Variants in B4GALT7 observed in about 807,000 individuals in gnomAD.
B4GALT7 encodes the protein beta-1,4-galactosyltransferase 7, also known as UDP-Gal:beta-GlcNAc beta-1,4-galactosyltransferase 7.
In B4GALT7, 30 loss-of-function variants were observed where a neutral mutation model predicts 33.0. The observed-to-expected ratio is 0.91, with a 90% confidence interval of 0.68 to 1.23. The LOEUF is 1.23. Among genes scored for constraint, B4GALT7 ranks in the 50% most tolerant of loss-of-function variants. The probability of loss-of-function intolerance (pLI) is 0.00; values close to 1 mark genes in which losing one functional copy is unlikely to be tolerated. For synonymous variants in B4GALT7, 213 were observed against 187.2 expected, an observed-to-expected ratio of 1.14 and a Z score of -1.13; for missense variants, 507 against 450.8, an observed-to-expected ratio of 1.12 and a Z score of -1.13.
At position 177,600,682 on chromosome 5, in the gene B4GALT7, G is replaced by T. The variant is rs1298104297; in HGVS notation, c.50+422G>T. ...ACCATGGATTTGTGTTTCTCAATTT[G>T]TCTCTGATCCCTGAGGACGTGTATT... On this transcript the variant is annotated intron_variant, in intron 1 of 5. Coordinates refer to ENST00000029410, the MANE Select transcript of B4GALT7 (RefSeq NM_007255.3). The surrounding 1 kb of genome is among the most constrained non-coding windows in gnomAD (Gnocchi z 4.4). 6.6e-6 allele frequency among the ~76,000 whole-genome samples: 1 copy of T among 152,046 alleles called. No homozygotes were observed. The highest frequency in any genetic ancestry group is 1.5e-5 in the Non-Finnish European group (1 of 68,024).
chr5:177,605,579 A>AG (rs1767971131), intron 2 of B4GALT7, among the ~76,000 whole-genome samples: 1 of 152,160 alleles, frequency 6.6e-6, no homozygotes, highest in Non-Finnish European at 1.5e-5. Flanking sequence ...CTCTGTGCAC[A>AG]GGGACTCAAG....
Position 177,609,909 on chromosome 5 carries a change from C to G in B4GALT7, c.*214C>G, listed in dbSNP as rs2127514819. 4 of 630,386 alleles carry G rather than the reference C, an allele frequency of 6.3e-6. No homozygotes were observed. Among genetic ancestry groups the G allele is most frequent in the East Asian group, 5.6e-5 (2 of 35,830 alleles). 39.0% of individuals were successfully genotyped at this position (630,386 alleles called of 1,614,324 possible). On this transcript the variant is annotated 3_prime_UTR_variant, in exon 6 of 6. Coordinates refer to ENST00000029410, the MANE Select transcript of B4GALT7 (RefSeq NM_007255.3). ...GACGCTGCTTGCCATGCACAGTGAT[C>G]AGAGAGAGGCTGGGGTGTGTCCTGT... is the stretch of plus-strand genomic sequence containing the variant.
At chr5:177,602,502 C>T (rs1767872684) in intron 1 of B4GALT7, among the ~76,000 whole-genome samples, 1 of 152,000 alleles carries the variant, frequency 6.6e-6, no homozygotes, top group Non-Finnish European at 1.5e-5. Context: ...CGTGGGAATA[C>T]AAAAGTGGGA....
chr5:177,606,334 A>G lies in B4GALT7; in HGVS notation c.414-968A>G, dbSNP rs1175894327. ...TTGCTGGTGGCCTGCCCTGCCCCAA[A>G]CCTGTAGCTCTGTCCTCTTCTCCAT... On this transcript the variant is annotated intron_variant, in intron 2 of 5. Transcript: ENST00000029410. The surrounding 1 kb of genome is among the most constrained non-coding windows in gnomAD (Gnocchi z 4.2). The G allele has an allele frequency of 6.6e-6, 1 of 152,290 alleles. No homozygotes were observed. Among genetic ancestry groups the G allele is most frequent in the Non-Finnish European group, 1.5e-5 (1 of 68,272 alleles). The allele number at this position is 152,290 out of a possible 1,614,324, so 9.4% of individuals were successfully genotyped here.
chr5:177,608,416 C>A lies in B4GALT7; in HGVS notation c.640-123C>A. The A allele has an allele frequency of 1.2e-6, 1 of 842,990 alleles. No homozygotes were observed. Among genetic ancestry groups the A allele is most frequent in the Non-Finnish European group, 2.0e-6 (1 of 509,236 alleles). 52.2% of individuals were successfully genotyped at this position (842,990 alleles called of 1,614,324 possible). A position where few individuals can be genotyped will look rare whatever the true frequency, so the allele number is the denominator to read the frequency against. ...CGCCCGCACTGCAGAAGTGCAGGAG[C>A]CTGCAAGCACCCGGGGCTTATTCAG... On this transcript the variant is annotated intron_variant, in intron 3 of 5. Coordinates refer to ENST00000029410, the MANE Select transcript of B4GALT7 (RefSeq NM_007255.3). This position sits in a 1 kb window ranked among gnomAD's most constrained non-coding sequence, Gnocchi z 4.1.
Position 177,604,144 on chromosome 5 carries a change from C to T in B4GALT7, c.51-35C>T, listed in dbSNP as rs909282572. ...GGGTCTGTCACAGGGCCAGCCCTGC[C>T]CCGCCCTCCTGACCCTGTCCCGCGC... On this transcript the variant is annotated intron_variant, in intron 1 of 5. Coordinates refer to ENST00000029410, the MANE Select transcript of B4GALT7 (RefSeq NM_007255.3). The T allele has an allele frequency of 1.9e-5, 31 of 1,612,542 alleles. No homozygotes were observed. The Admixed American group carries it at 3.2e-4, about 16-fold the overall frequency.
At chr5:177,601,859 G>T (rs924910775) in intron 1 of B4GALT7, among the ~76,000 whole-genome samples, 7 of 152,204 alleles carry the variant, frequency 4.6e-5, no homozygotes, top group African/African-American at 1.7e-4. Flanking sequence ...GGGACTCTGG[G>T]TTCAATCCAG....
In B4GALT7 at chr5:177,609,816, C is replaced by A; in HGVS notation, c.*121C>A. On this transcript the variant is annotated 3_prime_UTR_variant, in exon 6 of 6. Transcript: ENST00000029410. Reference sequence around the variant, plus strand: ...GAGTGGCCAGGACCAAGACAGCAAGCTACGCAATTGCAGCCACCCGGCCGC... The same window carrying A: ...GAGTGGCCAGGACCAAGACAGCAAGATACGCAATTGCAGCCACCCGGCCGC... 2.9e-6 allele frequency: 4 copies of A among 1,376,996 alleles called. No individual in the cohort carries two copies. The highest frequency in any genetic ancestry group is 3.0e-6 in the Non-Finnish European group (3 of 1,002,916). 85.3% of individuals were successfully genotyped at this position (1,376,996 alleles called of 1,614,324 possible).
chr5:177,606,815 C>G lies in B4GALT7; in HGVS notation c.414-487C>G, dbSNP rs1768028390. 1 of 234,772 alleles carries G rather than the reference C, an allele frequency of 4.3e-6. No homozygotes were observed. Among genetic ancestry groups the G allele is most frequent in the Non-Finnish European group, 8.6e-6 (1 of 116,790 alleles). The allele number at this position is 234,772 out of a possible 1,614,324, so 14.5% of individuals were successfully genotyped here. A position where few individuals can be genotyped will look rare whatever the true frequency, so the allele number is the denominator to read the frequency against. On this transcript the variant is annotated intron_variant, in intron 2 of 5. Coordinates refer to ENST00000029410, the MANE Select transcript of B4GALT7 (RefSeq NM_007255.3). The surrounding 1 kb of genome is among the most constrained non-coding windows in gnomAD (Gnocchi z 4.2). Reference sequence around the variant, plus strand: ...CCCGTTGGTCTGCTCCTGCCTCCTGCCGTGGCAGTGCCATCTCTCCTATGC... The same window carrying G: ...CCCGTTGGTCTGCTCCTGCCTCCTGGCGTGGCAGTGCCATCTCTCCTATGC...
chr5:177,607,364 T>G lies in B4GALT7; in HGVS notation c.476T>G (p.Ile159Ser). The G allele has an allele frequency of 6.2e-7, 1 of 1,614,052 alleles. No individual in the cohort carries two copies. The highest frequency in any genetic ancestry group is 8.5e-7 in the Non-Finnish European group (1 of 1,179,994). The change falls in exon 3 of 6, where the codon ATT becomes AGT. Residue 159 changes from isoleucine to serine, a missense_variant. Transcript: ENST00000029410. ...GAGAGCAGCAACAGCACGGACTACA[T>G]TGCCATGCACGACGTTGACCTGCTC... is the stretch of plus-strand genomic sequence containing the variant. The part of the protein sequence containing the change: ...FLESSNSTDY[I>S]AMHDVDLLPL...
At position 177,608,584 on chromosome 5, in the gene B4GALT7, G is replaced by T. The variant is rs753374573; in HGVS notation, c.685G>T (p.Asp229Tyr). ...NRFWGWGRED[D>Y]EFYRRIKGAG... ...CTTCTGGGGCTGGGGCCGCGAGGAC[G>T]ACGAGTTCTACCGGCGCATTAAGGG... The change falls in exon 4 of 6, where the codon GAC (aspartate) becomes TAC (tyrosine). Residue 229 changes from aspartate (D) to tyrosine (Y), a missense_variant. Coordinates refer to ENST00000029410, the MANE Select transcript of B4GALT7 (RefSeq NM_007255.3). This position sits in a 1 kb window ranked among gnomAD's most constrained non-coding sequence, Gnocchi z 4.1. 1 of 1,613,970 alleles carries T rather than the reference G, an allele frequency of 6.2e-7. No homozygotes were observed. The highest frequency in any genetic ancestry group is 1.1e-5 in the South Asian group (1 of 91,070).
chr5:177,601,355 C>T (rs1431320542), intron 1 of B4GALT7: 1 of 152,194 alleles, frequency 6.6e-6, no homozygotes, highest in African/African-American at 2.4e-5. Flanking sequence ...TAAAGGACCG[C>T]ACACATGTAA....
chr5:177,605,017 C>T (rs1369670702), intron 2 of B4GALT7: 2 of 455,908 alleles, frequency 4.4e-6, no homozygotes, highest in South Asian at 1.5e-5. Context: ...AGATCTCACC[C>T]ACCAGCCCCC....
intron 1 of B4GALT7, 154 bp from the exon 2 acceptor site, chr5:177,604,025 A>C (rs1001357111): frequency 1.8e-6 from 2 of 1,111,212 alleles, no homozygotes; most frequent in Non-Finnish European, 2.6e-6. Flanking sequence ...TGGTAGTGGC[A>C]TGAGCAGAAA....
rs1768139555 is a variant in B4GALT7 at position 177,610,157 on chromosome 5, G to T, written c.*462G>T. On this transcript the variant is annotated 3_prime_UTR_variant, in exon 6 of 6. Coordinates refer to ENST00000029410, the MANE Select transcript of B4GALT7 (RefSeq NM_007255.3). ...TAGGACTTCAGAAACCAGAGCACAA[G>T]CCCCACAGAGGGGGAACAGCCAGCA... 5.0e-6 allele frequency: 1 copy of T among 201,204 alleles called. No individual in the cohort carries two copies. The highest frequency in any genetic ancestry group is 1.0e-5 in the Non-Finnish European group (1 of 97,054). The allele number at this position is 201,204 out of a possible 1,614,324, so 12.5% of individuals were successfully genotyped here.
At chr5:177,603,996 C>A in intron 1 of B4GALT7, 183 bp from the exon 2 acceptor site, 1 of 895,958 alleles carries the variant, frequency 1.1e-6, no homozygotes. Context: ...TCTAGAGAGG[C>A]AAGCAGGATT....
rs750218686 is a variant in B4GALT7, at chr5:177,608,491, C to G, written c.640-48C>G. The G allele has an allele frequency of 2.0e-5, 31 of 1,522,086 alleles. No individual in the cohort carries two copies. The highest frequency in any genetic ancestry group is 3.5e-4 in the Middle Eastern group (2 of 5,786). 94.3% of individuals were successfully genotyped at this position (1,522,086 alleles called of 1,614,324 possible). On this transcript the variant is annotated intron_variant, in intron 3 of 5. Coordinates refer to ENST00000029410, the MANE Select transcript of B4GALT7 (RefSeq NM_007255.3). This position sits in a 1 kb window ranked among gnomAD's most constrained non-coding sequence, Gnocchi z 4.1. Reference sequence around the variant, plus strand: ...CCGAGCGGTAGGAGACCAAAGGCCCCCCCCCCCGGGAAGATGGGCCGAGTG... The same window carrying G: ...CCGAGCGGTAGGAGACCAAAGGCCCGCCCCCCCGGGAAGATGGGCCGAGTG...
In B4GALT7 at chr5:177,604,289, C is replaced by G. The variant is rs1025566307; in HGVS notation, c.161C>G (p.Ser54Cys). Residue 54 changes from serine (S) to cysteine (C), a missense_variant, in exon 2 of 6, where the codon TCT becomes TGT. By Grantham distance (112) the Ser-to-Cys change is moderately radical. Coordinates refer to ENST00000029410, the MANE Select transcript of B4GALT7 (RefSeq NM_007255.3). ...FSLLWLQLSCSGDVARAVRGQ... is the reference protein window; with the variant it reads ...FSLLWLQLSCCGDVARAVRGQ... ...CTACTCTGGCTGCAGCTCAGCTGCT[C>G]TGGGGACGTGGCCCGGGCAGTCAGG... 8.7e-6 allele frequency: 14 copies of G among 1,612,394 alleles called. No individual in the cohort carries two copies. The African/African-American group carries it at 1.3e-4, about 15-fold the overall frequency.
intron 3 of B4GALT7, 26 bp downstream of exon 3, chr5:177,607,553 T>C (rs1430966696): frequency 1.3e-6 from 2 of 1,597,924 alleles, no homozygotes; most frequent in Admixed American, 1.7e-5. Context: ...CCTGCTCTGC[T>C]CAGAGCCGGG....
Sources: allele counts gnomAD v4.1 joint callset (sites outside exome capture counted in the v4.1 genomes callset), GRCh38; gene constraint gnomAD v4.1.1; non-coding constraint Gnocchi (gnomAD v3.1); transcripts MANE v1.5; gene names NCBI Gene and HGNC (gene_info 2026-07-23, HGNC 2026-07-21).